TTPA: variants seen among roughly 807,000 people sequenced by gnomAD.
TTPA encodes alpha-tocopherol transfer protein.
In TTPA, 23 loss-of-function variants were observed where a neutral mutation model predicts 25.9. The ratio of observed to expected loss-of-function variants is 0.89; its 90% CI spans 0.64 to 1.26. TTPA has a LOEUF of 1.26. TTPA is among the 50% of genes most tolerant of loss of function. The pLI is 0.00. For missense variants in TTPA, 337 were observed against 353.1 expected, an observed-to-expected ratio of 0.95 and a Z score of 0.37; for synonymous variants, 148 against 137.3, an observed-to-expected ratio of 1.08 and a Z score of -0.54.
At chr8:63,077,431 C>T (rs559818634) in intron 1 of TTPA, among the ~76,000 whole-genome samples, 4 of 152,304 alleles carry the variant, frequency 2.6e-5, no homozygotes, top group East Asian at 1.9e-4. Flanking sequence ...ACGGATGTAC[C>T]GGGAAAAACA....
At chr8:63,064,642 T>C (rs1805359738) in intron 3 of TTPA, among the ~76,000 whole-genome samples, 1 of 152,202 alleles carries the variant, frequency 6.6e-6, no homozygotes, top group Non-Finnish European at 1.5e-5. Flanking sequence ...GAAATTTATA[T>C]TTAACTTTTT....
At chr8:63,083,277 C>T (rs979727192) in intron 1 of TTPA, among the ~76,000 whole-genome samples, 1 of 152,176 alleles carries the variant, frequency 6.6e-6, no homozygotes, top group African/African-American at 2.4e-5. Flanking sequence ...GAAAATGTGG[C>T]ACATATACAC....
chr8:63,061,664 T>C (rs958345361), intron 4 of TTPA, among the ~76,000 whole-genome samples: 1 of 152,230 alleles, frequency 6.6e-6, no homozygotes, highest in Non-Finnish European at 1.5e-5. Context: ...ATAAAATTTA[T>C]AAAAAGTTAT....
chr8:63,061,038 G>T lies in TTPA; in HGVS notation c.*214C>A. 1 of 515,594 alleles carries T rather than the reference G, an allele frequency of 1.9e-6. No individual in the cohort carries two copies. Among genetic ancestry groups the T allele is most frequent in the African/African-American group, 1.9e-5 (1 of 52,228 alleles). The allele number at this position is 515,594 out of a possible 1,614,324, so 31.9% of individuals were successfully genotyped here. On this transcript the variant is annotated 3_prime_UTR_variant, in exon 5 of 5. Coordinates refer to ENST00000260116, the MANE Select transcript of TTPA (RefSeq NM_000370.3). ...GATTTTTATGCTCTTAAAATGTACT[G>T]ACATTTAATTACTTCAAAAGTAGAG...
At position 63,059,662 on chromosome 8, in the gene TTPA, CTT is replaced by C. The variant is rs1805269292; in HGVS notation, c.*1588_*1589del. On this transcript the variant is annotated 3_prime_UTR_variant, in exon 5 of 5. Coordinates refer to ENST00000260116, the MANE Select transcript of TTPA (RefSeq NM_000370.3). ...AAATTATAAAATACTAAGTATAAAA[CTT>C]ATGTCATAAATTGAGGGCTATGTTG... is the stretch of plus-strand genomic sequence containing the variant. 1.3e-5 allele frequency: 2 copies of C among 152,100 alleles called. No individual in the cohort carries two copies. Among genetic ancestry groups the C allele is most frequent in the South Asian group, 2.1e-4 (1 of 4,816 alleles). The allele number at this position is 152,100 out of a possible 1,614,324, so 9.4% of individuals were successfully genotyped here.
At chr8:63,084,719 T>C (rs942552422) in intron 1 of TTPA, among the ~76,000 whole-genome samples, 1 of 152,240 alleles carries the variant, frequency 6.6e-6, no homozygotes, top group Admixed American at 6.5e-5. Flanking sequence ...GGGAGCTTTT[T>C]TCCTTTAGAA....
intron 4 of TTPA, 91 bp downstream of exon 4, chr8:63,064,115 G>A (rs1053590793): frequency 6.8e-6 from 6 of 884,688 alleles, no homozygotes; most frequent in Non-Finnish European, 9.2e-6. Flanking sequence ...AGATGGGCAG[G>A]TACGAGGAAA....
chr8:63,058,673 T>C (rs1258681126), downstream of TTPA, among the ~76,000 whole-genome samples: 1 of 152,084 alleles, frequency 6.6e-6, no homozygotes, highest in Non-Finnish European at 1.5e-5. Flanking sequence ...TATGCCTAGA[T>C]TAACTGACTT....
In TTPA at chr8:63,061,251, C is replaced by A. The variant is rs1805300653; in HGVS notation, c.*1G>T. The A allele has an allele frequency of 6.2e-7, 1 of 1,613,130 alleles. No homozygotes were observed. The highest frequency in any genetic ancestry group is 1.3e-5 in the African/African-American group (1 of 74,908). On this transcript the variant is annotated 3_prime_UTR_variant, in exon 5 of 5. Transcript: ENST00000260116. The stretch of plus-strand genomic sequence containing the variant: ...GGAAGCCATTCACATGACATAACTT[C>A]TCATTGAATGCTCTCAGAAATGCTG...
chr8:63,078,487 C>A (rs1467610585), intron 1 of TTPA, among the ~76,000 whole-genome samples: 2 of 152,080 alleles, frequency 1.3e-5, no homozygotes, highest in African/African-American at 2.4e-5. Flanking sequence ...GTAGAGAAGA[C>A]CTTAAATGAC....
In TTPA at chr8:63,061,167, T is replaced by G. The variant is rs1805299279; in HGVS notation, c.*85A>C. 1 of 1,370,354 alleles carries G rather than the reference T, an allele frequency of 7.3e-7. No individual in the cohort carries two copies. The highest frequency in any genetic ancestry group is 1.4e-5 in the African/African-American group (1 of 69,896). The allele number at this position is 1,370,354 out of a possible 1,614,324, so 84.9% of individuals were successfully genotyped here. ...TCAGGCAAGCATTAGTTTAAAAGATTTGCTCCTTTTCTTTCATTCATTTAA... is the reference window on the plus strand; with the variant it reads ...TCAGGCAAGCATTAGTTTAAAAGATGTGCTCCTTTTCTTTCATTCATTTAA... On this transcript the variant is annotated 3_prime_UTR_variant, in exon 5 of 5. Transcript: ENST00000260116.
chr8:63,072,094 C>T (rs1280246237), intron 2 of TTPA, among the ~76,000 whole-genome samples: 1 of 152,194 alleles, frequency 6.6e-6, no homozygotes, highest in Non-Finnish European at 1.5e-5. Context: ...TCTTGCTCCT[C>T]GGCCTGGGGC....
Position 63,061,077 on chromosome 8 carries a change from A to G in TTPA, c.*175T>C, listed in dbSNP as rs890355918. On this transcript the variant is annotated 3_prime_UTR_variant, in exon 5 of 5. Transcript: ENST00000260116. ...TCAAAAGTAGAGAAAAAAGCATTTA[A>G]AAAGTAAAAAATCTTTCCAAACACC... The G allele has an allele frequency of 2.6e-5, 17 of 656,008 alleles. No individual in the cohort carries two copies. The highest frequency in any genetic ancestry group is 8.7e-5 in the Admixed American group (3 of 34,394). The allele number at this position is 656,008 out of a possible 1,614,324, so 40.6% of individuals were successfully genotyped here. A position where few individuals can be genotyped will look rare whatever the true frequency, so the allele number is the denominator to read the frequency against.
At chr8:63,071,835 C>T (rs1280479695) in intron 2 of TTPA, among the ~76,000 whole-genome samples, 3 of 152,152 alleles carry the variant, frequency 2.0e-5, no homozygotes, top group Admixed American at 1.3e-4. Flanking sequence ...GTGCCTTGAT[C>T]TTGGATTTCC....
intron 1 of TTPA, among the ~76,000 whole-genome samples, chr8:63,080,440 G>A (rs966927159): frequency 6.6e-6 from 1 of 152,136 alleles, no homozygotes; most frequent in African/African-American, 2.4e-5. Context: ...TAATAAAGAA[G>A]GCCGGGCATG....
intron 1 of TTPA, among the ~76,000 whole-genome samples, chr8:63,081,746 C>T (rs1275130549): frequency 6.6e-6 from 1 of 152,292 alleles, no homozygotes. Flanking sequence ...AAAACCCCAT[C>T]GTCTCAACCC....
At chr8:63,073,113 T>C (rs1363257635) in intron 1 of TTPA, 25 bp from the exon 2 acceptor site, 1 of 1,567,176 alleles carries the variant, frequency 6.4e-7, no homozygotes, top group Non-Finnish European at 8.7e-7. Context: ...TAAAATTGTC[T>C]ACAAATGGCA....
At chr8:63,070,959 A>G (rs888349435) in intron 2 of TTPA, among the ~76,000 whole-genome samples, 1 of 149,686 alleles carries the variant, frequency 6.7e-6, no homozygotes, top group Admixed American at 6.7e-5. Flanking sequence ...TGCTCCATAC[A>G]TACTTTAAAA....
intron 3 of TTPA, among the ~76,000 whole-genome samples, chr8:63,065,587 ATATAT>A (rs1383475264): frequency 1.3e-5 from 2 of 152,188 alleles, no homozygotes; most frequent in Admixed American, 6.5e-5. Flanking sequence ...TGTTCCATTG[ATATAT>A]TATATTTTTT....
Sources: allele counts gnomAD v4.1 joint callset (sites outside exome capture counted in the v4.1 genomes callset), GRCh38; gene constraint gnomAD v4.1.1; transcripts MANE v1.5; gene names NCBI Gene and HGNC (gene_info 2026-07-23, HGNC 2026-07-21).